TRPC4AP: variants seen among roughly 807,000 people sequenced by gnomAD.
TRPC4AP encodes the protein short transient receptor potential channel 4-associated protein.
TRPC4AP carries 45 observed loss-of-function variants against 99.0 expected under a neutral mutation model. That is an observed-to-expected ratio of 0.45 (90% CI 0.36 to 0.58). The LOEUF (loss-of-function observed/expected upper bound fraction) is 0.58. Ranked by LOEUF, TRPC4AP falls within the 20% of genes least tolerant of loss-of-function variation. The probability of loss-of-function intolerance (pLI) is 0.00; values close to 1 mark genes in which losing one functional copy is unlikely to be tolerated. For missense variants in TRPC4AP, 879 were observed against 985.3 expected (o/e 0.89, Z 1.44); for synonymous variants, 408 against 385.8 (o/e 1.06, Z -0.67).
chr20:35,009,595 A>G (rs1184807047), intron 12 of TRPC4AP, among the ~76,000 whole-genome samples: 3 of 152,246 alleles, frequency 2.0e-5, no homozygotes, highest in Non-Finnish European at 4.4e-5. Flanking sequence ...GCAGTGAGCT[A>G]TAACACCACT....
chr20:35,061,661 G>A (rs889589933), intron 3 of TRPC4AP, among the ~76,000 whole-genome samples: 1 of 152,182 alleles, frequency 6.6e-6, no homozygotes, highest in African/African-American at 2.4e-5. Context: ...ATAGTCACAT[G>A]CAAAAGAATG....
intron 2 of TRPC4AP, among the ~76,000 whole-genome samples, chr20:35,070,245 G>C (rs569175717): frequency 2.6e-5 from 4 of 151,990 alleles, no homozygotes; most frequent in African/African-American, 7.2e-5. Context: ...GCTAGGTTTC[G>C]GGGTGACTAG....
intron 2 of TRPC4AP, among the ~76,000 whole-genome samples, chr20:35,077,357 T>C (rs1048113844): frequency 7.9e-5 from 12 of 152,304 alleles, no homozygotes; most frequent in African/African-American, 2.4e-4. Flanking sequence ...CTGGGTACCA[T>C]AGACTGGAGC....
At chr20:35,092,073 T>C (rs1326970143) in intron 1 of TRPC4AP, among the ~76,000 whole-genome samples, 1 of 151,870 alleles carries the variant, frequency 6.6e-6, no homozygotes, top group East Asian at 1.9e-4. Context: ...AACAAAGAAA[T>C]ACGAAATTAT....
Position 35,046,859 on chromosome 20 carries a change from T to A in TRPC4AP, c.658-2147A>T, listed in dbSNP as rs1473477874. 2.6e-5 allele frequency among the ~76,000 whole-genome samples: 4 copies of A among 152,264 alleles called. No individual in the cohort carries two copies. The East Asian group carries it at 7.7e-4, about 29-fold the overall frequency. On this transcript the variant is annotated intron_variant, in intron 6 of 18. Transcript: ENST00000252015. ...GCCCACTTCTTATGGTTTTTTGTTTTGTCTTAAATTTTAAGATTTTTTTTT... is the reference window on the plus strand; with the variant it reads ...GCCCACTTCTTATGGTTTTTTGTTTAGTCTTAAATTTTAAGATTTTTTTTT...
intron 3 of TRPC4AP, among the ~76,000 whole-genome samples, chr20:35,059,745 A>C (rs1044814302): frequency 6.0e-5 from 9 of 150,032 alleles, no homozygotes; most frequent in South Asian, 2.1e-4. Flanking sequence ...ACTACGACGA[A>C]GAAGAAGAAG....
At chr20:35,045,283 C>T (rs1330956803) in intron 6 of TRPC4AP, among the ~76,000 whole-genome samples, 1 of 152,118 alleles carries the variant, frequency 6.6e-6, no homozygotes, top group Non-Finnish European at 1.5e-5. Flanking sequence ...CATACTATAC[C>T]TTACTTTTCA....
At chr20:35,083,631 A>C (rs1161212883) in intron 1 of TRPC4AP, among the ~76,000 whole-genome samples, 1 of 151,660 alleles carries the variant, frequency 6.6e-6, no homozygotes. Flanking sequence ...AAATTACAGG[A>C]AAATAACTTC....
intron 1 of TRPC4AP, among the ~76,000 whole-genome samples, chr20:35,087,491 C>G (rs2084920328): frequency 6.6e-6 from 1 of 152,094 alleles, no homozygotes; most frequent in South Asian, 2.1e-4. Flanking sequence ...ACCAGATTGC[C>G]AAACTGAAGG....
At chr20:35,019,638 C>A (rs1425895968) in intron 9 of TRPC4AP, among the ~76,000 whole-genome samples, 1 of 152,052 alleles carries the variant, frequency 6.6e-6, no homozygotes, top group Non-Finnish European at 1.5e-5. Context: ...AGAAGCTGTC[C>A]CTACAATTAT....
At chr20:35,007,421 T>C (rs1469258014) in intron 14 of TRPC4AP, 129 bp downstream of exon 14, 2 of 961,644 alleles carry the variant, frequency 2.1e-6, no homozygotes, top group South Asian at 1.7e-5. Flanking sequence ...TAAGGCAGCC[T>C]GCACAGGCAT....
At chr20:35,061,288 G>A (rs1179710489) in intron 3 of TRPC4AP, among the ~76,000 whole-genome samples, 2 of 152,124 alleles carry the variant, frequency 1.3e-5, no homozygotes, top group African/African-American at 2.4e-5. Flanking sequence ...AGTTTAACAA[G>A]TGCAAGACTT....
intron 10 of TRPC4AP, among the ~76,000 whole-genome samples, chr20:35,014,837 G>A (rs577354154): frequency 6.6e-6 from 1 of 152,220 alleles, no homozygotes; most frequent in South Asian, 2.1e-4. Context: ...GGCCAATAGG[G>A]GAAAGAGTAT....
intron 5 of TRPC4AP, among the ~76,000 whole-genome samples, chr20:35,053,695 G>A (rs554332995): frequency 2.2e-4 from 33 of 152,242 alleles, no homozygotes; most frequent in African/African-American, 7.9e-4. Flanking sequence ...TGGATTTTGA[G>A]AGCTCAATAC....
At chr20:35,092,215 G>A (rs2085088739) in intron 1 of TRPC4AP, among the ~76,000 whole-genome samples, 1 of 151,930 alleles carries the variant, frequency 6.6e-6, no homozygotes, top group African/African-American at 2.4e-5. Context: ...AAATGCTCGG[G>A]AACCATTTGG....
chr20:35,043,778 C>G (rs1442777667), intron 7 of TRPC4AP, among the ~76,000 whole-genome samples: 3 of 152,148 alleles, frequency 2.0e-5, no homozygotes, highest in Non-Finnish European at 2.9e-5. Context: ...CGAATGTGGT[C>G]TCTCTCTGGA....
At chr20:35,034,688 G>C (rs1348804957) in intron 8 of TRPC4AP, among the ~76,000 whole-genome samples, 2 of 152,192 alleles carry the variant, frequency 1.3e-5, no homozygotes, top group East Asian at 3.8e-4. Context: ...TTACCAGGAA[G>C]CTGGAGCTGA....
At chr20:35,004,405 G>GA in intron 17 of TRPC4AP, 53 bp downstream of exon 17, 3 of 1,498,526 alleles carry the variant, frequency 2.0e-6, no homozygotes, top group Non-Finnish European at 2.7e-6. Flanking sequence ...CCAGGACAAA[G>GA]GAAGTGGTTT....
At chr20:35,035,367 T>G in intron 7 of TRPC4AP, 59 bp from the exon 8 acceptor site, 1 of 1,536,478 alleles carries the variant, frequency 6.5e-7, no homozygotes, top group Non-Finnish European at 8.8e-7. Context: ...AAACTACCCC[T>G]AAAGCCCTAA....
Sources: gnomAD v4.1 joint callset for allele counts (sites outside exome capture counted in the v4.1 genomes callset) on GRCh38, gnomAD v4.1.1 for gene constraint, MANE v1.5 for transcripts, NCBI Gene and HGNC (gene_info 2026-07-23, HGNC 2026-07-21) for gene names.